Variants in DGKB observed in about 807,000 individuals in gnomAD.
The protein encoded by DGKB is 90 kDa diacylglycerol kinase.
DGKB carries 67 observed loss-of-function variants against 114.3 expected under a neutral mutation model. That is an observed-to-expected ratio of 0.59 (90% CI 0.48 to 0.72). The LOEUF (loss-of-function observed/expected upper bound fraction) is 0.72, where lower values mean the gene tolerates loss of function less well. Ranked by LOEUF, DGKB falls within the 30% of genes least tolerant of loss-of-function variation. The pLI is 0.00. For synonymous variants in DGKB, 398 were observed against 323.1 expected (o/e 1.23, Z -2.49); for missense variants, 907 against 975.2 (o/e 0.93, Z 0.93).
chr7:14,909,432 T>C (rs907757785), intron 1 of DGKB, among the ~76,000 whole-genome samples: 1 of 152,174 alleles, frequency 6.6e-6, no homozygotes, highest in African/African-American at 2.4e-5. Context: ...GCACGCACTA[T>C]ATTACTGGGA....
At chr7:14,214,366 T>G (rs188203466) in intron 23 of DGKB, among the ~76,000 whole-genome samples, 1 of 152,016 alleles carries the variant, frequency 6.6e-6, no homozygotes, top group Non-Finnish European at 1.5e-5. Flanking sequence ...GAAAAAAAAT[T>G]CCATGTGCTA....
chr7:14,917,253 ACAAT>A (rs1416077172), intron 1 of DGKB, among the ~76,000 whole-genome samples: 1 of 152,022 alleles, frequency 6.6e-6, no homozygotes, highest in Non-Finnish European at 1.5e-5. Flanking sequence ...TAAATGTAAA[ACAAT>A]CAGATAAAAA....
intron 23 of DGKB, among the ~76,000 whole-genome samples, chr7:14,271,026 A>G (rs1430649754): frequency 1.3e-5 from 2 of 152,244 alleles, no homozygotes; most frequent in African/African-American, 4.8e-5. Flanking sequence ...CAATACAGGT[A>G]CAAGCCTAGA....
chr7:14,541,649 T>C (rs1023800258), intron 20 of DGKB, among the ~76,000 whole-genome samples: 1 of 152,180 alleles, frequency 6.6e-6, no homozygotes, highest in African/African-American at 2.4e-5. Flanking sequence ...CCAAAGCATA[T>C]TGTGACTAAT....
At chr7:14,715,616 A>G (rs1828056743) in intron 6 of DGKB, among the ~76,000 whole-genome samples, 1 of 152,150 alleles carries the variant, frequency 6.6e-6, no homozygotes. Context: ...TGGGACGGGA[A>G]GGTCCTCAGA....
At chr7:14,723,876 T>C (rs1829634191) in intron 5 of DGKB, among the ~76,000 whole-genome samples, 2 of 152,274 alleles carry the variant, frequency 1.3e-5, no homozygotes, top group South Asian at 4.1e-4. Flanking sequence ...TACTCCAATC[T>C]AGACACTTCA....
intron 23 of DGKB, among the ~76,000 whole-genome samples, chr7:14,226,569 A>G (rs1013652509): frequency 6.6e-6 from 1 of 151,982 alleles, no homozygotes; most frequent in Non-Finnish European, 1.5e-5. Flanking sequence ...TTTTAACATC[A>G]TGACTATTTT....
intron 20 of DGKB, among the ~76,000 whole-genome samples, chr7:14,550,799 T>C (rs923795250): frequency 1.3e-5 from 2 of 151,960 alleles, no homozygotes; most frequent in Non-Finnish European, 1.5e-5. Flanking sequence ...ATCAAACTAA[T>C]AAAAAATGAC....
intron 13 of DGKB, among the ~76,000 whole-genome samples, chr7:14,649,952 T>C (rs1163804902): frequency 6.8e-6 from 1 of 147,874 alleles, no homozygotes; most frequent in Non-Finnish European, 1.5e-5. Flanking sequence ...CTAACTATCC[T>C]AAATATATAT....
intron 4 of DGKB, among the ~76,000 whole-genome samples, chr7:14,751,704 T>G (rs6946045): frequency 0.028 from 4,210 of 152,258 alleles, 190 homozygotes; most frequent in African/African-American, 0.095. Context: ...AAATTACACG[T>G]CATGTTCCCC....
At chr7:14,662,432 G>A (rs1489997536) in intron 13 of DGKB, among the ~76,000 whole-genome samples, 1 of 151,880 alleles carries the variant, frequency 6.6e-6, no homozygotes, top group East Asian at 1.9e-4. Context: ...AACCATAAAA[G>A]CGGACTCATT....
chr7:14,257,919 G>T (rs1293181259), intron 23 of DGKB, among the ~76,000 whole-genome samples: 2 of 152,000 alleles, frequency 1.3e-5, no homozygotes, highest in African/African-American at 4.8e-5. Context: ...ACAGAGATGG[G>T]GTTTCACCAT....
intron 20 of DGKB, among the ~76,000 whole-genome samples, chr7:14,524,149 T>C (rs1053943427): frequency 2.0e-5 from 3 of 152,232 alleles, no homozygotes; most frequent in African/African-American, 7.2e-5. Flanking sequence ...TTTATATTTA[T>C]TGTGTTATAT....
intron 1 of DGKB, among the ~76,000 whole-genome samples, chr7:14,965,983 G>T (rs553052133): frequency 4.4e-4 from 67 of 152,124 alleles, no homozygotes; most frequent in African/African-American, 1.6e-3. Flanking sequence ...CCTGGTTGGA[G>T]ATTTTTTTCT....
intron 21 of DGKB, among the ~76,000 whole-genome samples, chr7:14,469,174 C>A (rs1396083483): frequency 6.6e-6 from 1 of 151,946 alleles, no homozygotes; most frequent in Non-Finnish European, 1.5e-5. Context: ...GGTTTATATT[C>A]TTCTGTGGAA....
chr7:14,632,226 C>A (rs897740152), intron 13 of DGKB, among the ~76,000 whole-genome samples: 14 of 151,846 alleles, frequency 9.2e-5, no homozygotes, highest in African/African-American at 3.4e-4. Context: ...TGAATATGGA[C>A]AAGATAATGA....
At chr7:14,207,538 C>G (rs1416259893) in intron 23 of DGKB, among the ~76,000 whole-genome samples, 1 of 151,926 alleles carries the variant, frequency 6.6e-6, no homozygotes, top group Non-Finnish European at 1.5e-5. Flanking sequence ...GTGGGAATGC[C>G]AGGCAATGTA....
intron 14 of DGKB, 46 bp from the exon 15 acceptor site, chr7:14,621,540 C>T: frequency 8.6e-7 from 1 of 1,158,568 alleles, no homozygotes; most frequent in South Asian, 1.4e-5. Context: ...AGGAAAATAA[C>T]ATAATAAAAT....
intron 20 of DGKB, among the ~76,000 whole-genome samples, chr7:14,512,503 G>A (rs1309424621): frequency 1.3e-5 from 2 of 152,038 alleles, no homozygotes; most frequent in African/African-American, 4.8e-5. Flanking sequence ...TCATTAGCTT[G>A]CTGGAATGCT....
Sources: allele counts gnomAD v4.1 joint callset (sites outside exome capture counted in the v4.1 genomes callset), GRCh38; gene constraint gnomAD v4.1.1; transcripts MANE v1.5; gene names NCBI Gene and HGNC (gene_info 2026-07-23, HGNC 2026-07-21).